Variants in STIM1 observed in about 807,000 individuals in gnomAD.
STIM1 encodes the protein stromal interaction molecule 1.
In STIM1, 25 loss-of-function variants were observed where a neutral mutation model predicts 74.7. The ratio of observed to expected loss-of-function variants is 0.33; its 90% CI spans 0.24 to 0.47. The LOEUF is 0.47. STIM1 is among the 20% of genes least tolerant of loss of function. The pLI is 1.00. For missense variants in STIM1, 728 were observed against 920.8 expected (o/e 0.79, Z 2.71); for synonymous variants, 328 against 348.8 (o/e 0.94, Z 0.66).
rs371276717 is a variant in STIM1, at chr11:3,900,216, C to G, written c.139+43807C>G. On this transcript the variant is annotated intron_variant, in intron 1 of 12. Transcript: ENST00000526596. The stretch of plus-strand genomic sequence containing the variant: ...CTGTGCTAGCAATCAGCAAGACTCC[C>G]TGGGCGTATGACCCTCCGAGCCAGG... Among the ~76,000 whole-genome samples, 1,176 of 152,254 alleles carry G rather than the reference C, an allele frequency of 7.7e-3. 13 individuals are homozygous for G. The highest frequency in any genetic ancestry group is 0.027 in the African/African-American group (1,129 of 41,526).
intron 1 of STIM1, among the ~76,000 whole-genome samples, chr11:3,897,253 G>T (rs1045783474): frequency 8.5e-5 from 13 of 152,162 alleles, no homozygotes; most frequent in African/African-American, 3.1e-4. Flanking sequence ...CTGGTGAGTT[G>T]CTGGAAATGC....
At chr11:3,901,070 A>T (rs1212135824) in intron 1 of STIM1, among the ~76,000 whole-genome samples, 1 of 152,216 alleles carries the variant, frequency 6.6e-6, no homozygotes, top group Non-Finnish European at 1.5e-5. Context: ...GTGCGCTTGT[A>T]GTCCCATCTG....
intron 5 of STIM1, among the ~76,000 whole-genome samples, chr11:4,064,794 C>T (rs745963893): frequency 3.9e-5 from 6 of 152,192 alleles, no homozygotes; most frequent in African/African-American, 1.4e-4. Flanking sequence ...GAGTAGCACA[C>T]TGCCCTTTAG....
chr11:4,024,217 A>G (rs2093980974), intron 3 of STIM1, among the ~76,000 whole-genome samples: 1 of 152,116 alleles, frequency 6.6e-6, no homozygotes, highest in African/African-American at 2.4e-5. Flanking sequence ...TTTGAATTCT[A>G]TCCTATTCCT....
chr11:4,091,988 A>C lies in STIM1; in HGVS notation c.*190A>C. On this transcript the variant is annotated 3_prime_UTR_variant, in exon 13 of 13. Transcript: ENST00000526596. ...CATTATTATTTATTAACTGACCACC[A>C]TGGCCTGCCTGCCCTGCCTCCGTCC... 1 of 771,076 alleles carries C rather than the reference A, an allele frequency of 1.3e-6. No individual in the cohort carries two copies. Among genetic ancestry groups the C allele is most frequent in the East Asian group, 2.7e-5 (1 of 36,620 alleles). 47.8% of individuals were successfully genotyped at this position (771,076 alleles called of 1,614,324 possible). A position where few individuals can be genotyped will look rare whatever the true frequency, so the allele number is the denominator to read the frequency against.
chr11:3,978,989 C>T (rs1198813404), intron 2 of STIM1, among the ~76,000 whole-genome samples: 1 of 152,116 alleles, frequency 6.6e-6, no homozygotes, highest in African/African-American at 2.4e-5. Flanking sequence ...CCACCCCAAA[C>T]AGAATCAGAG....
intron 1 of STIM1, among the ~76,000 whole-genome samples, chr11:3,913,783 C>T (rs912910363): frequency 1.3e-5 from 2 of 152,166 alleles, no homozygotes; most frequent in African/African-American, 4.8e-5. Context: ...ACCTATTAAG[C>T]AGTTTCTCCC....
chr11:4,008,749 A>C (rs982962325), intron 2 of STIM1, among the ~76,000 whole-genome samples: 2 of 152,134 alleles, frequency 1.3e-5, no homozygotes, highest in Admixed American at 6.5e-5. Flanking sequence ...TAAAATGTAC[A>C]TCTTTGGGAT....
intron 2 of STIM1, among the ~76,000 whole-genome samples, chr11:3,993,670 C>T (rs573965454): frequency 1.6e-4 from 24 of 152,074 alleles, no homozygotes; most frequent in Admixed American, 1.2e-3. Context: ...AAACAAAAAA[C>T]GAAACAAAAA....
At chr11:4,026,801 T>C (rs1347918804) in intron 3 of STIM1, among the ~76,000 whole-genome samples, 1 of 152,210 alleles carries the variant, frequency 6.6e-6, no homozygotes, top group Non-Finnish European at 1.5e-5. Flanking sequence ...CCTTGTGGAA[T>C]CAGGACACAT....
chr11:3,942,320 G>A (rs1001463181), intron 1 of STIM1, among the ~76,000 whole-genome samples: 12 of 152,214 alleles, frequency 7.9e-5, no homozygotes, highest in Admixed American at 5.9e-4. Flanking sequence ...ACTATGCATA[G>A]CCTCCATTTC....
chr11:3,865,529 G>C (rs1219531986), intron 1 of STIM1, among the ~76,000 whole-genome samples: 1 of 152,198 alleles, frequency 6.6e-6, no homozygotes, highest in African/African-American at 2.4e-5. Flanking sequence ...TATCCAGCTA[G>C]AAAGCTTTTT....
rs1017563697 is a variant in STIM1, at chr11:4,092,871, G to A, written c.*1073G>A. 2 of 152,234 alleles carry A rather than the reference G, an allele frequency of 1.3e-5. No individual in the cohort carries two copies. Among genetic ancestry groups the A allele is most frequent in the African/African-American group, 2.4e-5 (1 of 41,448 alleles). 9.4% of individuals were successfully genotyped at this position (152,234 alleles called of 1,614,324 possible). A position where few individuals can be genotyped will look rare whatever the true frequency, so the allele number is the denominator to read the frequency against. ...GTAGCCTTGGCCAGAGGCTCAAAAA[G>A]GACACAACCAGTTTGGGGAAGGGGT... On this transcript the variant is annotated 3_prime_UTR_variant, in exon 13 of 13. Transcript: ENST00000526596.
At chr11:4,075,107 C>T (rs771184474) in intron 7 of STIM1, among the ~76,000 whole-genome samples, 2 of 151,932 alleles carry the variant, frequency 1.3e-5, no homozygotes, top group African/African-American at 2.4e-5. Flanking sequence ...TGCCATTGCA[C>T]TCCAGCCTGG....
intron 3 of STIM1, among the ~76,000 whole-genome samples, chr11:4,049,763 C>CAT (rs2094225122): frequency 2.4e-5 from 2 of 83,174 alleles, no homozygotes; most frequent in Non-Finnish European, 3.2e-5. Flanking sequence ...CACACACACA[C>CAT]ATGCTTAGAA....
intron 1 of STIM1, among the ~76,000 whole-genome samples, chr11:3,948,307 A>G (rs921081989): frequency 1.2e-4 from 18 of 151,440 alleles, no homozygotes; most frequent in African/African-American, 4.4e-4. Flanking sequence ...TTTCCCATAT[A>G]TCTCCCTTTC....
intron 1 of STIM1, among the ~76,000 whole-genome samples, chr11:3,863,760 G>T (rs542979545): frequency 2.1e-4 from 32 of 152,136 alleles, no homozygotes; most frequent in Admixed American, 1.2e-3. Flanking sequence ...GGATCAGATC[G>T]ACTGTCTTGG....
intron 1 of STIM1, among the ~76,000 whole-genome samples, chr11:3,859,339 C>A (rs1408456887): frequency 1.3e-5 from 2 of 152,156 alleles, no homozygotes; most frequent in Non-Finnish European, 2.9e-5. Flanking sequence ...ACCTGTACAC[C>A]CAGCCATGCT....
In STIM1 at chr11:4,083,414, A is replaced by G. The variant is rs201717730; in HGVS notation, c.1390A>G (p.Thr464Ala). Residue 464 changes from threonine (T) to alanine (A), a missense_variant, in exon 10 of 13, where the codon ACA becomes GCA. By Grantham distance (58) the Thr-to-Ala change is moderately conservative. Around this residue, in one of 5 missense-constraint regions of STIM1, gnomAD observed 352 missense variants for 370.1 expected, o/e 0.95. Coordinates refer to ENST00000526596, the MANE Select transcript of STIM1 (RefSeq NM_001382567.1). ...LNIDPSWMGS[T>A]RPNPAHFIMT... The stretch of plus-strand genomic sequence containing the variant: ...CATAGACCCCAGCTGGATGGGCAGT[A>G]CACGCCCCAACCCTGCTCACTTCAT... 10 of 1,614,164 alleles carry G rather than the reference A, an allele frequency of 6.2e-6. No individual in the cohort carries two copies. Among genetic ancestry groups the G allele is most frequent in the Non-Finnish European group, 8.5e-6 (10 of 1,180,066 alleles).
Sources: allele counts gnomAD v4.1 joint callset (sites outside exome capture counted in the v4.1 genomes callset), GRCh38; gene constraint gnomAD v4.1.1; regional missense constraint gnomAD v4.1.1; transcripts MANE v1.5; gene names NCBI Gene and HGNC (gene_info 2026-07-23, HGNC 2026-07-21).